NYAP2: variants seen among roughly 807,000 people sequenced by gnomAD.
The protein encoded by NYAP2 is neuronal tyrosine-phosphorylated phosphoinositide-3-kinase adapter 2.
A neutral mutation model predicts 50.4 loss-of-function variants in NYAP2; 23 were observed. The observed-to-expected ratio is 0.46, with a 90% confidence interval of 0.33 to 0.65. The LOEUF is 0.65. NYAP2 is among the 30% of genes least tolerant of loss of function. The probability of loss-of-function intolerance (pLI) is 0.02; values close to 1 mark genes in which losing one functional copy is unlikely to be tolerated. For synonymous variants in NYAP2, 394 were observed against 365.2 expected, an observed-to-expected ratio of 1.08 and a Z score of -0.90; for missense variants, 885 against 861.0, an observed-to-expected ratio of 1.03 and a Z score of -0.35.
chr2:225,693,409 T>C, the NYAP2 span, among the ~76,000 whole-genome samples: 84 of 152,184 alleles, frequency 5.5e-4, no homozygotes, highest in Non-Finnish European at 1.1e-3. Flanking sequence ...CATCACATTA[T>C]ACCAAGGATA....
intron 4 of NYAP2, among the ~76,000 whole-genome samples, chr2:225,518,546 A>AGCTTGTGAGCT (rs1213363616): frequency 1.3e-5 from 1 of 74,302 alleles, no homozygotes; most frequent in African/African-American, 5.0e-5. Context: ...ATATATATAT[A>AGCTTGTGAGCT]TATATATATA....
chr2:225,582,792 G>A lies in NYAP2; in HGVS notation c.1375G>A (p.Ala459Thr). 1 of 1,613,890 alleles carries A rather than the reference G, an allele frequency of 6.2e-7. No homozygotes were observed. The highest frequency in any genetic ancestry group is 8.5e-7 in the Non-Finnish European group (1 of 1,179,880). ...CCTCAAAAGGCCTCCCCCTTACGAC[G>A]CTGTGCATTCGGGCAGCCTCTCAAG... The change falls in exon 5 of 7, where the codon GCT (alanine) becomes ACT (threonine). Residue 459 changes from alanine (A) to threonine (T), a missense_variant. Coordinates refer to ENST00000636099, the Ensembl canonical transcript of NYAP2. This position sits in a 1 kb window ranked among gnomAD's most constrained non-coding sequence, Gnocchi z 7.0.
At chr2:225,423,601 G>A (rs1695246160) in intron 3 of NYAP2, among the ~76,000 whole-genome samples, 1 of 152,078 alleles carries the variant, frequency 6.6e-6, no homozygotes, top group African/African-American at 2.4e-5. Flanking sequence ...CTCATATTGT[G>A]GCCTGGTGTT....
chr2:225,445,229 G>A (rs955027816), intron 3 of NYAP2, among the ~76,000 whole-genome samples: 1 of 151,872 alleles, frequency 6.6e-6, no homozygotes, highest in Non-Finnish European at 1.5e-5. Flanking sequence ...TTCACCTAAA[G>A]TATGTAAAAA....
rs774236692 is a variant in NYAP2 at position 225,582,434 on chromosome 2, T to C, written c.1017T>C (p.Phe339=). The change falls in exon 5 of 7, where the codon TTT becomes TTC. Residue 339 remains phenylalanine, a synonymous_variant. Coordinates refer to ENST00000636099, the Ensembl canonical transcript of NYAP2. The surrounding 1 kb of genome is among the most constrained non-coding windows in gnomAD (Gnocchi z 7.0). ...CTCACAGACCCCCGCTGCTGGTATT[T>C]CCCCCCGCCCCCGTGCATTGCTCCC... 2.8e-5 allele frequency: 44 copies of C among 1,564,508 alleles called. No homozygotes were observed. The highest frequency in any genetic ancestry group is 3.4e-5 in the Non-Finnish European group (39 of 1,148,118).
chr2:225,651,631 C>T lies in NYAP2; in HGVS notation c.*66C>T, dbSNP rs572847510. On this transcript the variant is annotated 3_prime_UTR_variant, in exon 7 of 7. Coordinates refer to ENST00000636099, the Ensembl canonical transcript of NYAP2. ...CTGTCCTGTTGCTGTAGACAACTTTCGCATTTGCTTTTATTTTTCTATGTG... is the reference window on the plus strand; with the variant it reads ...CTGTCCTGTTGCTGTAGACAACTTTTGCATTTGCTTTTATTTTTCTATGTG... The T allele has an allele frequency of 1.6e-4, 255 of 1,577,306 alleles. 2 individuals carry two copies. In the Middle Eastern group the frequency reaches 2.0e-3, roughly 13 times the overall value.
At chr2:225,524,174 A>C (rs1334406537) in intron 4 of NYAP2, among the ~76,000 whole-genome samples, 1 of 152,222 alleles carries the variant, frequency 6.6e-6, no homozygotes, top group Non-Finnish European at 1.5e-5. Context: ...TTTGACTTCC[A>C]AAACCTCAAA....
intron 5 of NYAP2, among the ~76,000 whole-genome samples, chr2:225,603,393 T>TCAAGTATA (rs1254319713): frequency 6.6e-6 from 1 of 152,134 alleles, no homozygotes; most frequent in African/African-American, 2.4e-5. Context: ...GATGTGACAG[T>TCAAGTATA]CAAGTATATT....
chr2:225,536,275 C>G (rs1691348894), intron 4 of NYAP2, among the ~76,000 whole-genome samples: 1 of 152,178 alleles, frequency 6.6e-6, no homozygotes, highest in South Asian at 2.1e-4. Flanking sequence ...ACATGGTAGG[C>G]AGCACAGTGC....
In NYAP2 at chr2:225,475,247, C is replaced by A. The variant is rs115743345; in HGVS notation, c.222-38124C>A. Among the ~76,000 whole-genome samples the A allele has an allele frequency of 5.4e-3, 826 of 151,810 alleles. 9 individuals are homozygous for A. The highest frequency in any genetic ancestry group is 0.019 in the African/African-American group (779 of 41,392). On this transcript the variant is annotated intron_variant, in intron 3 of 6. Coordinates refer to ENST00000636099, the Ensembl canonical transcript of NYAP2. ...CAGTTTTTCAGGTTTTTTTATTTTTCTTCCTGGCCAAGTTCTACACTTTTG... is the reference window on the plus strand; with the variant it reads ...CAGTTTTTCAGGTTTTTTTATTTTTATTCCTGGCCAAGTTCTACACTTTTG...
chr2:225,471,379 T>C (rs184028479), intron 3 of NYAP2, among the ~76,000 whole-genome samples: 113 of 152,370 alleles, frequency 7.4e-4, no homozygotes, highest in African/African-American at 2.5e-3. Flanking sequence ...TGAATATGAC[T>C]ATAGTCACGA....
intron 5 of NYAP2, among the ~76,000 whole-genome samples, chr2:225,608,114 A>G (rs1400571767): frequency 6.6e-6 from 1 of 152,182 alleles, no homozygotes; most frequent in East Asian, 1.9e-4. Context: ...TGGAATCCCA[A>G]TAAAATGATC....
At chr2:225,441,400 T>C (rs970006358) in intron 3 of NYAP2, among the ~76,000 whole-genome samples, 2 of 152,212 alleles carry the variant, frequency 1.3e-5, no homozygotes, top group Non-Finnish European at 2.9e-5. Flanking sequence ...CCAAATAATA[T>C]GTAAATTTCA....
At chr2:225,656,216 T>A (rs551975682), downstream of NYAP2, among the ~76,000 whole-genome samples, 1 of 152,098 alleles carries the variant, frequency 6.6e-6, no homozygotes, top group South Asian at 2.1e-4. Flanking sequence ...CTACACAGAG[T>A]GCTTAGAAAC....
At chr2:225,422,430 T>C (rs527302384) in intron 3 of NYAP2, among the ~76,000 whole-genome samples, 1 of 152,258 alleles carries the variant, frequency 6.6e-6, no homozygotes, top group East Asian at 1.9e-4. Flanking sequence ...CCATGAGGAA[T>C]TTCTCCTGAC....
chr2:225,612,472 T>A (rs539834521), intron 5 of NYAP2, among the ~76,000 whole-genome samples: 16 of 152,050 alleles, frequency 1.1e-4, no homozygotes, highest in Non-Finnish European at 2.1e-4. Flanking sequence ...TTGAGACCCT[T>A]GGTGAGTTTT....
chr2:225,694,460 T>C, the NYAP2 span, among the ~76,000 whole-genome samples: 1 of 151,946 alleles, frequency 6.6e-6, no homozygotes, highest in Non-Finnish European at 1.5e-5. Flanking sequence ...GCATGACATC[T>C]TACTATCAAC....
chr2:225,467,034 C>T (rs73082888), intron 3 of NYAP2, among the ~76,000 whole-genome samples: 69 of 152,296 alleles, frequency 4.5e-4, no homozygotes, highest in Non-Finnish European at 8.5e-4. Context: ...GGGTTTTCTA[C>T]GTTGGCATAC....
intron 4 of NYAP2, among the ~76,000 whole-genome samples, chr2:225,515,344 CA>C (rs1559201527): frequency 6.6e-6 from 1 of 152,136 alleles, no homozygotes; most frequent in Non-Finnish European, 1.5e-5. Context: ...CCATGGTGTG[CA>C]ATTTGTCAAG....
Sources: allele counts gnomAD v4.1 joint callset (sites outside exome capture counted in the v4.1 genomes callset), GRCh38; gene constraint gnomAD v4.1.1; non-coding constraint Gnocchi (gnomAD v3.1); transcripts MANE v1.5; gene names NCBI Gene and HGNC (gene_info 2026-07-23, HGNC 2026-07-21).